PDLIM5: variants seen among roughly 807,000 people sequenced by gnomAD.
The protein encoded by PDLIM5 is PDZ and LIM domain 5.
In PDLIM5, 34 loss-of-function variants were observed where a neutral mutation model predicts 64.2. That is an observed-to-expected ratio of 0.53 (90% CI 0.40 to 0.71). PDLIM5 has a LOEUF of 0.71. Ranked by LOEUF, PDLIM5 falls within the 30% of genes least tolerant of loss-of-function variation. The pLI is 0.00. For missense variants in PDLIM5, 683 were observed against 733.6 expected (o/e 0.93, Z 0.80); for synonymous variants, 253 against 269.1 (o/e 0.94, Z 0.59).
chr4:94,494,432 G>GGTTTTTTTTTTTTTTT lies in PDLIM5; in HGVS notation c.97-29292_97-29291insGTTTTTTTTTTTTTTT, dbSNP rs1553940971. Among the ~76,000 whole-genome samples, 510 of 70,748 alleles carry GGTTTTTTTTTTTTTTT rather than the reference G, an allele frequency of 7.2e-3. 74 individuals carry two copies. The highest frequency in any genetic ancestry group is 0.012 in the Middle Eastern group (1 of 82). 46.4% of individuals were successfully genotyped at this position (70,748 alleles called of 152,430 possible). A position where few individuals can be genotyped will look rare whatever the true frequency, so the allele number is the denominator to read the frequency against. On this transcript the variant is annotated intron_variant, in intron 2 of 12. Transcript: ENST00000317968. ...AGCATTCACTAATTTTTTTTTTCTT[G>GGTTTTTTTTTTTTTTT]TTTTTTTTTTTTTTTTTTTTTTTTG...
At chr4:94,565,034 A>C (rs1426192454) in intron 3 of PDLIM5, among the ~76,000 whole-genome samples, 1 of 152,176 alleles carries the variant, frequency 6.6e-6, no homozygotes, top group Non-Finnish European at 1.5e-5. Context: ...ATATTTGTGG[A>C]ACTAATTAAT....
intron 1 of PDLIM5, among the ~76,000 whole-genome samples, chr4:94,453,723 G>T (rs990610998): frequency 6.6e-6 from 1 of 152,136 alleles, no homozygotes; most frequent in Non-Finnish European, 1.5e-5. Flanking sequence ...TTTTATAGCG[G>T]GAAAGCAATT....
Position 94,553,919 on chromosome 4 carries a change from T to A in PDLIM5, c.249-19432T>A, listed in dbSNP as rs748136946. Among the ~76,000 whole-genome samples the A allele has an allele frequency of 1.4e-3, 214 of 152,322 alleles. 1 individual carries two copies. Among genetic ancestry groups the A allele is most frequent in the Non-Finnish European group, 2.9e-3 (196 of 68,016 alleles). ...GAAAATATTTTCTGAAATACATTTT[T>A]AAAAAATCTCTTCTTTCACATTGTC... On this transcript the variant is annotated intron_variant, in intron 3 of 12. Transcript: ENST00000317968.
intron 3 of PDLIM5, among the ~76,000 whole-genome samples, chr4:94,542,632 A>G (rs959507600): frequency 3.3e-5 from 5 of 152,110 alleles, no homozygotes; most frequent in African/African-American, 1.2e-4. Flanking sequence ...AATAGTGTAT[A>G]CTGTCCTACA....
intron 7 of PDLIM5, among the ~76,000 whole-genome samples, chr4:94,617,644 CAAAAAAA>C (rs61055444): frequency 6.0e-5 from 4 of 66,602 alleles, no homozygotes; most frequent in Non-Finnish European, 9.3e-5. Flanking sequence ...CCTGTGTCTA[CAAAAAAA>C]AAAAAAAAAA....
chr4:94,635,297 G>A (rs1264576744), intron 8 of PDLIM5, among the ~76,000 whole-genome samples: 1 of 152,130 alleles, frequency 6.6e-6, no homozygotes, highest in Non-Finnish European at 1.5e-5. Flanking sequence ...AGTTGCTCAA[G>A]CCTTGAGTCA....
chr4:94,487,043 G>T (rs985432184), intron 2 of PDLIM5, among the ~76,000 whole-genome samples: 12 of 152,202 alleles, frequency 7.9e-5, no homozygotes, highest in South Asian at 4.1e-4. Context: ...TAAAATCTAT[G>T]TACATGGGTG....
rs750811704 is a variant in PDLIM5 at position 94,627,627 on chromosome 4, G to A, written c.1108+9436G>A. ...AAACAGCTACGGTACGGTTGTTTAC[G>A]TATTGTTTATGGCTGATTTCATGCC... On this transcript the variant is annotated intron_variant, in intron 8 of 12. Coordinates refer to ENST00000317968, the MANE Select transcript of PDLIM5 (RefSeq NM_006457.5). 8.6e-4 allele frequency among the ~76,000 whole-genome samples: 131 copies of A among 152,142 alleles called. 1 individual carries two copies. The highest frequency in any genetic ancestry group is 3.9e-4 in the Admixed American group (6 of 15,266).
chr4:94,510,304 C>T (rs1560666002), intron 2 of PDLIM5, among the ~76,000 whole-genome samples: 1 of 152,078 alleles, frequency 6.6e-6, no homozygotes, highest in Non-Finnish European at 1.5e-5. Context: ...CCCATGTTTG[C>T]TGGATAAGAC....
At position 94,456,065 on chromosome 4, in the gene PDLIM5, A is replaced by C. The variant is rs868309825; in HGVS notation, c.96+681A>C. 1.8e-5 allele frequency: 20 copies of C among 1,141,406 alleles called. No homozygotes were observed. In the African/African-American group the frequency reaches 2.8e-4, roughly 16 times the overall value. The allele number at this position is 1,141,406 out of a possible 1,614,324, so 70.7% of individuals were successfully genotyped here. On this transcript the variant is annotated intron_variant, in intron 2 of 12. Transcript: ENST00000317968. ...AGCTTCTATTTATTGAGACTTGACT[A>C]TATGTCAGGTACTGTTTCACTTTCA...
chr4:94,653,880 G>A (rs1372362552), intron 9 of PDLIM5, among the ~76,000 whole-genome samples: 3 of 152,150 alleles, frequency 2.0e-5, no homozygotes, highest in South Asian at 2.1e-4. Context: ...TACAGTTCCT[G>A]TAGTCATTTT....
chr4:94,546,005 A>G (rs761985442), intron 3 of PDLIM5, among the ~76,000 whole-genome samples: 14 of 152,146 alleles, frequency 9.2e-5, no homozygotes, highest in Admixed American at 2.6e-4. Context: ...ATTTGTCTTA[A>G]GTGGAGCTAT....
intron 8 of PDLIM5, among the ~76,000 whole-genome samples, chr4:94,636,813 G>A (rs1740612102): frequency 6.6e-6 from 1 of 152,152 alleles, no homozygotes; most frequent in Non-Finnish European, 1.5e-5. Context: ...GGGATTACAG[G>A]CGTGAGCCAC....
intron 3 of PDLIM5, among the ~76,000 whole-genome samples, chr4:94,532,463 A>G (rs1241127488): frequency 6.6e-6 from 1 of 152,142 alleles, no homozygotes; most frequent in Non-Finnish European, 1.5e-5. Flanking sequence ...AGGGAGGAGG[A>G]GGTAACAATT....
intron 3 of PDLIM5, among the ~76,000 whole-genome samples, chr4:94,563,995 A>T (rs1578383689): frequency 8.8e-6 from 1 of 113,080 alleles, no homozygotes; most frequent in African/African-American, 3.4e-5. Context: ...ACAGAGTCTT[A>T]CTCTGTCTCC....
At chr4:94,613,139 G>A (rs1167206897) in intron 7 of PDLIM5, among the ~76,000 whole-genome samples, 2 of 152,106 alleles carry the variant, frequency 1.3e-5, no homozygotes, top group East Asian at 3.9e-4. Flanking sequence ...ACAATTGCTT[G>A]TAACTAAGGC....
intron 8 of PDLIM5, among the ~76,000 whole-genome samples, chr4:94,633,796 A>G (rs942220442): frequency 1.3e-5 from 2 of 152,198 alleles, no homozygotes; most frequent in Non-Finnish European, 1.5e-5. Context: ...CTGCTGAGGA[A>G]TATTGGAACT....
chr4:94,486,409 TGCTGAAATA>T (rs2126113448), intron 2 of PDLIM5, among the ~76,000 whole-genome samples: 1 of 152,312 alleles, frequency 6.6e-6, no homozygotes, highest in South Asian at 2.1e-4. Flanking sequence ...TAGACCAAAA[TGCTGAAATA>T]GCTTTTCTCA....
At chr4:94,455,656 C>T in intron 2 of PDLIM5, 1 of 792,162 alleles carries the variant, frequency 1.3e-6, no homozygotes, top group Non-Finnish European at 2.0e-6. Flanking sequence ...CATTTTTGAA[C>T]TGTCCCTAAT....
Sources: gnomAD v4.1 joint callset for allele counts (sites outside exome capture counted in the v4.1 genomes callset) on GRCh38, gnomAD v4.1.1 for gene constraint, MANE v1.5 for transcripts, NCBI Gene and HGNC (gene_info 2026-07-23, HGNC 2026-07-21) for gene names.